ADGRE5: variants seen among roughly 807,000 people sequenced by gnomAD.
The protein encoded by ADGRE5 is CD97 molecule.
A neutral mutation model predicts 100.3 loss-of-function variants in ADGRE5; 72 were observed. That is an observed-to-expected ratio of 0.72 (90% CI 0.59 to 0.87). ADGRE5 has a LOEUF of 0.87. Ranked by LOEUF, ADGRE5 falls within the 40% of genes least tolerant of loss-of-function variation. The pLI, the probability that ADGRE5 is intolerant of heterozygous loss-of-function variation, is 0.00. For missense variants in ADGRE5, 959 were observed against 1,094.7 expected (o/e 0.88, Z 1.75); for synonymous variants, 439 against 447.8 (o/e 0.98, Z 0.25).
Position 14,384,345 on chromosome 19 carries a change from C to T in ADGRE5, c.22+2800C>T, listed in dbSNP as rs563168109. Among the ~76,000 whole-genome samples, 7 of 152,270 alleles carry T rather than the reference C, an allele frequency of 4.6e-5. No homozygotes were observed. In the East Asian group the frequency reaches 9.6e-4, roughly 21 times the overall value. The stretch of plus-strand genomic sequence containing the variant: ...ACCTCCAATCTGCACCCCAAACACC[C>T]GCCCTCTGAAGCTGTGCTCATAACA... On this transcript the variant is annotated intron_variant, in intron 1 of 19. Coordinates refer to ENST00000242786, the MANE Select transcript of ADGRE5 (RefSeq NM_078481.4).
At chr19:14,399,309 T>C (rs1169138349) in intron 9 of ADGRE5, among the ~76,000 whole-genome samples, 1 of 151,606 alleles carries the variant, frequency 6.6e-6, no homozygotes, top group Non-Finnish European at 1.5e-5. Flanking sequence ...ACGCCTGTAA[T>C]CCCAGCACTT....
chr19:14,393,529 G>A (rs1332432462), intron 4 of ADGRE5, among the ~76,000 whole-genome samples: 1 of 152,222 alleles, frequency 6.6e-6, no homozygotes. Context: ...TGGGAGCTGC[G>A]ACTCATTCAA....
At chr19:14,384,805 CTCTG>C (rs752856553) in intron 1 of ADGRE5, among the ~76,000 whole-genome samples, 7 of 151,582 alleles carry the variant, frequency 4.6e-5, no homozygotes, top group Non-Finnish European at 5.9e-5. Flanking sequence ...ATTTCTGTCT[CTCTG>C]TCTGTCTCTA....
intron 5 of ADGRE5, 56 bp from the exon 6 acceptor site, chr19:14,397,021 G>C: frequency 1.3e-6 from 2 of 1,516,188 alleles, no homozygotes; most frequent in Non-Finnish European, 1.8e-6. Context: ...GCAGTGAGTG[G>C]AGGGCAGGCC....
chr19:14,381,451 C>T lies in ADGRE5; in HGVS notation c.-73C>T, dbSNP rs561034171. ...GGCCTCGGGACAGCCTGCACAGCTG[C>T]CTAGCCTGTGGAGACGGGACAGCCC... On this transcript the variant is annotated 5_prime_UTR_variant, in exon 1 of 20. Transcript: ENST00000242786. 131 of 1,601,320 alleles carry T rather than the reference C, an allele frequency of 8.2e-5. No individual in the cohort carries two copies. In the African/African-American group the frequency reaches 1.6e-3, roughly 20 times the overall value.
Position 14,408,309 on chromosome 19 carries a change from C to T in ADGRE5, c.*188C>T, listed in dbSNP as rs570699001. ...TCCAGGACACCCAGTGGGGTGGAGT[C>T]GGAGCCACTGGTCCTGCTGCTGGCT... On this transcript the variant is annotated 3_prime_UTR_variant, in exon 20 of 20. Transcript: ENST00000242786. 62 of 677,668 alleles carry T rather than the reference C, an allele frequency of 9.1e-5. No individual in the cohort carries two copies. The highest frequency in any genetic ancestry group is 2.8e-4 in the South Asian group (16 of 57,928). 42.0% of individuals were successfully genotyped at this position (677,668 alleles called of 1,614,324 possible). A position where few individuals can be genotyped will look rare whatever the true frequency, so the allele number is the denominator to read the frequency against.
intron 1 of ADGRE5, among the ~76,000 whole-genome samples, chr19:14,382,606 CA>C (rs1361197813): frequency 6.6e-6 from 1 of 152,026 alleles, no homozygotes; most frequent in Non-Finnish European, 1.5e-5. Context: ...CTCACACCTG[CA>C]ATCCCAGCAC....
rs867278200 is a variant in ADGRE5 at position 14,389,235 on chromosome 19, G to C, written c.190+417G>C. ...GGAGGGAGAAGGGGAGGGGAAGGGGGAAAGGGAGGGGGATGGGGAGGGAGA... is the reference window on the plus strand; with the variant it reads ...GGAGGGAGAAGGGGAGGGGAAGGGGCAAAGGGAGGGGGATGGGGAGGGAGA... On this transcript the variant is annotated intron_variant, in intron 3 of 19. Coordinates refer to ENST00000242786, the MANE Select transcript of ADGRE5 (RefSeq NM_078481.4). Among the ~76,000 whole-genome samples the C allele has an allele frequency of 1.3e-3, 17 of 12,642 alleles. 2 individuals are homozygous for C. Among genetic ancestry groups the C allele is most frequent in the African/African-American group, 5.0e-3 (11 of 2,188 alleles). 8.3% of individuals were successfully genotyped at this position (12,642 alleles called of 152,430 possible).
At chr19:14,400,500 T>A (rs543267653) in intron 9 of ADGRE5, among the ~76,000 whole-genome samples, 21 of 152,104 alleles carry the variant, frequency 1.4e-4, no homozygotes, top group South Asian at 6.2e-4. Flanking sequence ...AAATTAAAGT[T>A]AAGATTGCAG....
intron 3 of ADGRE5, among the ~76,000 whole-genome samples, chr19:14,389,308 A>G (rs1185544255): frequency 1.5e-3 from 1 of 646 alleles, no homozygotes; most frequent in Non-Finnish European, 3.3e-3. Flanking sequence ...GGAAGGGGGA[A>G]GGGGAGGGGG....
Position 14,408,277 on chromosome 19 carries a change from AC to A in ADGRE5, c.*158del. The A allele has an allele frequency of 1.2e-6, 1 of 846,166 alleles. No individual in the cohort carries two copies. The highest frequency in any genetic ancestry group is 1.9e-6 in the Non-Finnish European group (1 of 524,052). The allele number at this position is 846,166 out of a possible 1,614,324, so 52.4% of individuals were successfully genotyped here. ...GAGGGAGTGGCAGCTATAGTCTGGCACCAAAGTCCAGGACACCCAGTGGGGT... is the reference window on the plus strand; with the variant it reads ...GAGGGAGTGGCAGCTATAGTCTGGCACAAAGTCCAGGACACCCAGTGGGGT... On this transcript the variant is annotated 3_prime_UTR_variant, in exon 20 of 20. Coordinates refer to ENST00000242786, the MANE Select transcript of ADGRE5 (RefSeq NM_078481.4).
Position 14,406,645 on chromosome 19 carries a change from C to T in ADGRE5, c.2049-55C>T. ...GCCACACACAATGTCCGGCCGCCCT[C>T]CGTTCCGCTCCTGGCTTCCTGGGGC... On this transcript the variant is annotated intron_variant, in intron 15 of 19. Transcript: ENST00000242786. This position sits in a 1 kb window ranked among gnomAD's most constrained non-coding sequence, Gnocchi z 6.0. 6.2e-7 allele frequency: 1 copy of T among 1,607,264 alleles called. No individual in the cohort carries two copies. The highest frequency in any genetic ancestry group is 2.2e-5 in the East Asian group (1 of 44,834).
rs370989320 is a variant in ADGRE5, at chr19:14,404,574, G to A, written c.1629+12G>A. 22 of 1,610,424 alleles carry A rather than the reference G, an allele frequency of 1.4e-5. No homozygotes were observed. The African/African-American group carries it at 2.8e-4, about 21-fold the overall frequency. ...ATTATGACGTGGAGGTAAGTAGCTG[G>A]AGGCATCCTCAAGTGCCCACAGGTA... On this transcript the variant is annotated intron_variant, in intron 13 of 19. Transcript: ENST00000242786.
At chr19:14,393,433 C>T (rs1975670758) in intron 4 of ADGRE5, among the ~76,000 whole-genome samples, 1 of 152,188 alleles carries the variant, frequency 6.6e-6, no homozygotes, top group Non-Finnish European at 1.5e-5. Context: ...GGACTCCAGG[C>T]TTTGCCTATT....
At position 14,381,527 on chromosome 19, in the gene ADGRE5, G is replaced by C; in HGVS notation, c.4G>C (p.Gly2Arg). The change falls in exon 1 of 20, where the codon GGA (glycine) becomes CGA (arginine). Residue 2 changes from glycine to arginine, a missense_variant. Gly to Arg is a moderately radical substitution (Grantham distance 125). Around this residue, in one of 6 missense-constraint regions of ADGRE5, gnomAD observed 114 missense variants for 195.7 expected, o/e 0.58. Coordinates refer to ENST00000242786, the MANE Select transcript of ADGRE5 (RefSeq NM_078481.4). ...GCTCCTGCCGGCAGCTCCAACCATG[G>C]GAGGCCGCGTCTTTCTCGGTAAGTA... M[G>R]GRVFLAFCVW... is the part of the protein sequence containing the mutation. 2 of 1,609,596 alleles carry C rather than the reference G, an allele frequency of 1.2e-6. No homozygotes were observed. The highest frequency in any genetic ancestry group is 1.7e-6 in the Non-Finnish European group (2 of 1,178,332).
At chr19:14,395,306 A>G (rs2146359478) in intron 4 of ADGRE5, among the ~76,000 whole-genome samples, 1 of 151,626 alleles carries the variant, frequency 6.6e-6, no homozygotes, top group African/African-American at 2.4e-5. Flanking sequence ...GTCTCCAAAA[A>G]AAAAAAAAAA....
Position 14,401,840 on chromosome 19 carries a change from A to T in ADGRE5, c.1183+80A>T. The T allele has an allele frequency of 1.0e-6, 1 of 982,192 alleles. No individual in the cohort carries two copies. Among genetic ancestry groups the T allele is most frequent in the Non-Finnish European group, 1.5e-6 (1 of 683,400 alleles). The allele number at this position is 982,192 out of a possible 1,614,324, so 60.8% of individuals were successfully genotyped here. Reference sequence around the variant, plus strand: ...ATGGGGCCAGGGTGAGGTTCAGAATAGAACAACTGACTGGGCGCGGTGGCT... The same window carrying T: ...ATGGGGCCAGGGTGAGGTTCAGAATTGAACAACTGACTGGGCGCGGTGGCT... On this transcript the variant is annotated intron_variant, in intron 11 of 19. Transcript: ENST00000242786. The surrounding 1 kb of genome is among the most constrained non-coding windows in gnomAD (Gnocchi z 4.1).
intron 9 of ADGRE5, among the ~76,000 whole-genome samples, chr19:14,399,534 A>C (rs1320183576): frequency 2.3e-5 from 3 of 130,530 alleles, no homozygotes; most frequent in Non-Finnish European, 4.7e-5. Context: ...ACTGCACTCC[A>C]GCCTGGGCGA....
chr19:14,385,935 A>C (rs1008569420), intron 1 of ADGRE5, among the ~76,000 whole-genome samples: 2 of 151,866 alleles, frequency 1.3e-5, no homozygotes, highest in African/African-American at 4.8e-5. Context: ...ACGCCCAGCT[A>C]ATTTTTTGTA....
Sources: allele counts gnomAD v4.1 joint callset (sites outside exome capture counted in the v4.1 genomes callset), GRCh38; gene constraint gnomAD v4.1.1; regional missense constraint gnomAD v4.1.1; non-coding constraint Gnocchi (gnomAD v3.1); transcripts MANE v1.5; gene names NCBI Gene and HGNC (gene_info 2026-07-23, HGNC 2026-07-21).